Variants in ASIC2 observed in about 807,000 individuals in gnomAD.
ASIC2 encodes acid-sensing ion channel 2.
Under a neutral mutation model 57.3 loss-of-function variants are expected in ASIC2, and 25 were observed. That is an observed-to-expected ratio of 0.44 (90% CI 0.32 to 0.61). The LOEUF is 0.61. Among genes scored for constraint, ASIC2 ranks in the 20% least tolerant of loss-of-function variants. The pLI, the probability that ASIC2 is intolerant of heterozygous loss-of-function variation, is 0.06. For missense variants in ASIC2, 641 were observed against 738.1 expected (o/e 0.87, Z 1.52); for synonymous variants, 319 against 307.5 (o/e 1.04, Z -0.39).
At chr17:33,631,237 A>G (rs1296442989) in intron 1 of ASIC2, among the ~76,000 whole-genome samples, 1 of 151,936 alleles carries the variant, frequency 6.6e-6, no homozygotes, top group East Asian at 1.9e-4. Context: ...TACTTTGAGA[A>G]CCTGCCTTTA....
intron 1 of ASIC2, among the ~76,000 whole-genome samples, chr17:33,381,271 C>G (rs532422431): frequency 7.2e-5 from 11 of 152,324 alleles, no homozygotes; most frequent in African/African-American, 1.4e-4. Flanking sequence ...TTTAATAAAC[C>G]AGAGGAAAAC....
upstream of ASIC2, among the ~76,000 whole-genome samples, chr17:33,294,123 A>T (rs1168741825): frequency 6.6e-6 from 1 of 152,184 alleles, no homozygotes; most frequent in Non-Finnish European, 1.5e-5. Flanking sequence ...AAGGGGGAGT[A>T]GGACTTCCAG....
chr17:33,098,061 G>A lies in ASIC2; in HGVS notation c.860-9071C>T, dbSNP rs180969002. ...CTAATTGCCGGGTGACCTCAGGCAC[G>A]TTAAATTGCCCCTCTGAGCTTTAGT... On this transcript the variant is annotated intron_variant, in intron 2 of 9. Transcript: ENST00000225823. Among the ~76,000 whole-genome samples, 328 of 152,314 alleles carry A rather than the reference G, an allele frequency of 2.2e-3. 2 individuals carry two copies. The highest frequency in any genetic ancestry group is 6.8e-3 in the Middle Eastern group (2 of 294).
At chr17:33,614,465 C>T (rs1378306928) in intron 1 of ASIC2, among the ~76,000 whole-genome samples, 12 of 152,162 alleles carry the variant, frequency 7.9e-5, no homozygotes, top group Non-Finnish European at 5.9e-5. Flanking sequence ...TCTGTGAGTT[C>T]CTTGTCAACA....
chr17:33,619,076 C>T (rs1484664017), intron 1 of ASIC2, among the ~76,000 whole-genome samples: 3 of 152,092 alleles, frequency 2.0e-5, no homozygotes, highest in African/African-American at 7.2e-5. Flanking sequence ...GAAAACAGCA[C>T]TGAAGATCAA....
rs547225846 is a variant in ASIC2, at chr17:33,359,111, C to T, written c.556-247044G>A. Among the ~76,000 whole-genome samples, 8 of 152,296 alleles carry T rather than the reference C, an allele frequency of 5.3e-5. No homozygotes were observed. The South Asian group carries it at 1.5e-3, about 28-fold the overall frequency. On this transcript the variant is annotated intron_variant, in intron 1 of 9. Coordinates refer to the ASIC2 transcript ENST00000359872. ...TTGGGAGAGAGATGATCTAGATATA[C>T]TTGAACATCATGGCCTTGGCCACCT...
At position 33,938,726 on chromosome 17, in the gene ASIC2, C is replaced by T. The variant is rs1217541424; in HGVS notation, c.555+217252G>A. 2.0e-5 allele frequency among the ~76,000 whole-genome samples: 3 copies of T among 152,294 alleles called. No individual in the cohort carries two copies. In the East Asian group the frequency reaches 5.8e-4, roughly 29 times the overall value. ...GGGAAGTGCCCAGCCTAGGAGCTGG[C>T]CATCAGTAGGTGCTCAATTAATTCT... On this transcript the variant is annotated intron_variant, in intron 1 of 9. Coordinates refer to the ASIC2 transcript ENST00000359872.
chr17:33,786,845 G>A (rs972309352), intron 1 of ASIC2, among the ~76,000 whole-genome samples: 2 of 152,168 alleles, frequency 1.3e-5, no homozygotes, highest in Non-Finnish European at 2.9e-5. Context: ...TAGACAAAGG[G>A]CATTTTGCAT....
chr17:33,381,273 G>T (rs1909478441), intron 1 of ASIC2, among the ~76,000 whole-genome samples: 1 of 152,230 alleles, frequency 6.6e-6, no homozygotes, highest in African/African-American at 2.4e-5. Context: ...TAATAAACCA[G>T]AGGAAAACCT....
chr17:33,986,833 T>C (rs757654270), intron 1 of ASIC2, among the ~76,000 whole-genome samples: 2 of 152,132 alleles, frequency 1.3e-5, no homozygotes, highest in Non-Finnish European at 2.9e-5. Context: ...TGGATAAAGG[T>C]CTGCCATGCC....
At chr17:34,064,768 A>C (rs1474837700) in intron 1 of ASIC2, among the ~76,000 whole-genome samples, 1 of 152,246 alleles carries the variant, frequency 6.6e-6, no homozygotes, top group East Asian at 1.9e-4. Context: ...CCCAACAAAC[A>C]TATGAAAAAA....
intron 1 of ASIC2, among the ~76,000 whole-genome samples, chr17:33,672,433 A>AAT (rs570415150): frequency 1.5e-3 from 231 of 152,220 alleles, no homozygotes; most frequent in African/African-American, 5.2e-3. Context: ...TGCTTAAAAA[A>AAT]AAAAAAAGTC....
chr17:33,250,445 C>T (rs981912563), intron 1 of ASIC2, among the ~76,000 whole-genome samples: 1 of 152,172 alleles, frequency 6.6e-6, no homozygotes, highest in African/African-American at 2.4e-5. Flanking sequence ...GCCACCAGCT[C>T]CCAGAAAACA....
chr17:33,133,023 G>T (rs185306413), intron 1 of ASIC2, among the ~76,000 whole-genome samples: 4 of 152,332 alleles, frequency 2.6e-5, no homozygotes, highest in Admixed American at 1.3e-4. Flanking sequence ...TCTTCTGAGG[G>T]TAAAGTGTGT....
At chr17:33,994,669 C>T (rs1249197053) in intron 1 of ASIC2, among the ~76,000 whole-genome samples, 1 of 152,178 alleles carries the variant, frequency 6.6e-6, no homozygotes, top group Non-Finnish European at 1.5e-5. Flanking sequence ...AACTCCCAAA[C>T]AAGCTGAGAA....
chr17:33,935,035 G>T (rs12602005), intron 1 of ASIC2, among the ~76,000 whole-genome samples: 36,294 of 152,188 alleles, frequency 0.24, 5,269 homozygotes, highest in Admixed American at 0.34. Context: ...CTAGGGCCCT[G>T]GGCAGCCTGT....
Position 34,156,418 on chromosome 17 carries a change from T to C in ASIC2, c.115A>G (p.Thr39Ala). Residue 39 changes from threonine (T) to alanine (A), a missense_variant, in exon 1 of 10, where the codon ACC becomes GCC. Physicochemically the swap from Thr to Ala is moderately conservative, Grantham distance 58. Coordinates refer to the ASIC2 transcript ENST00000359872. This position sits in a 1 kb window ranked among gnomAD's most constrained non-coding sequence, Gnocchi z 4.4. The stretch of plus-strand genomic sequence containing the variant: ...ACTGCCCACAGCACACGCCGGATGG[T>C]CAGCGGCCCATACACGAAGATGTGG... The C allele has an allele frequency of 6.2e-7, 1 of 1,614,160 alleles. No individual in the cohort carries two copies. Among genetic ancestry groups the C allele is most frequent in the Non-Finnish European group, 8.5e-7 (1 of 1,180,020 alleles).
chr17:33,709,251 T>A (rs73282732), intron 1 of ASIC2, among the ~76,000 whole-genome samples: 1 of 152,246 alleles, frequency 6.6e-6, no homozygotes, highest in African/African-American at 2.4e-5. Context: ...AAGTGTTATA[T>A]GCCTCCTGCA....
chr17:33,330,486 A>G (rs1170654190), intron 1 of ASIC2, among the ~76,000 whole-genome samples: 1 of 152,190 alleles, frequency 6.6e-6, no homozygotes, highest in Non-Finnish European at 1.5e-5. Flanking sequence ...ATGAGTCCTC[A>G]TGACACCTTC....
Sources: gnomAD v4.1 joint callset for allele counts (sites outside exome capture counted in the v4.1 genomes callset) on GRCh38, gnomAD v4.1.1 for gene constraint, Gnocchi (gnomAD v3.1) non-coding constraint, MANE v1.5 for transcripts, NCBI Gene and HGNC (gene_info 2026-07-23, HGNC 2026-07-21) for gene names.